The following BANK1 variants were observed in gnomAD, a reference collection of about 807,000 sequenced individuals.
The protein encoded by BANK1 is B-cell scaffold protein with ankyrin repeats.
BANK1 carries 95 observed loss-of-function variants against 94.5 expected under a neutral mutation model. The ratio of observed to expected loss-of-function variants is 1.00; its 90% CI spans 0.85 to 1.19. BANK1 has a LOEUF of 1.19. BANK1 is among the 50% of genes most tolerant of loss of function. The pLI, the probability that BANK1 is intolerant of heterozygous loss-of-function variation, is 0.00. For missense variants in BANK1, 987 were observed against 932.2 expected, an observed-to-expected ratio of 1.06 and a Z score of -0.77; for synonymous variants, 334 against 308.4, an observed-to-expected ratio of 1.08 and a Z score of -0.87.
intron 5 of BANK1, among the ~76,000 whole-genome samples, chr4:101,874,125 C>T (rs1165674439): frequency 6.6e-6 from 1 of 152,162 alleles, no homozygotes; most frequent in African/African-American, 2.4e-5. Flanking sequence ...TTACTTTACA[C>T]ATATTGAAAT....
intron 7 of BANK1, among the ~76,000 whole-genome samples, chr4:101,936,790 C>G (rs190666060): frequency 6.6e-6 from 1 of 151,346 alleles, no homozygotes; most frequent in Admixed American, 6.6e-5. Context: ...TGGCATATAT[C>G]CAAAAGACAG....
chr4:101,960,332 A>G (rs1284237068), intron 7 of BANK1, among the ~76,000 whole-genome samples: 2 of 152,100 alleles, frequency 1.3e-5, no homozygotes, highest in African/African-American at 4.8e-5. Context: ...ACAGTCATAT[A>G]CAAGTTAAAA....
chr4:101,956,469 C>G (rs893701555), intron 7 of BANK1, among the ~76,000 whole-genome samples: 7 of 152,174 alleles, frequency 4.6e-5, no homozygotes, highest in Non-Finnish European at 7.3e-5. Flanking sequence ...AAGATCCTCG[C>G]TCATCCAAAA....
chr4:102,043,243 G>A (rs1263614061), intron 10 of BANK1, among the ~76,000 whole-genome samples: 1 of 151,980 alleles, frequency 6.6e-6, no homozygotes, highest in East Asian at 1.9e-4. Context: ...GCAAAATGGG[G>A]TGAGTAATGC....
chr4:101,943,484 G>C (rs540662114), intron 7 of BANK1, among the ~76,000 whole-genome samples: 2 of 151,852 alleles, frequency 1.3e-5, no homozygotes, highest in Admixed American at 6.6e-5. Context: ...GGGTGGATTG[G>C]TGTGGGGATG....
At chr4:101,841,175 A>G (rs950755367) in intron 2 of BANK1, among the ~76,000 whole-genome samples, 1 of 152,128 alleles carries the variant, frequency 6.6e-6, no homozygotes, top group Non-Finnish European at 1.5e-5. Flanking sequence ...TTCTAATTAT[A>G]AAAATAATAC....
At chr4:101,974,221 T>G (rs1373097873) in intron 7 of BANK1, among the ~76,000 whole-genome samples, 2 of 152,144 alleles carry the variant, frequency 1.3e-5, no homozygotes, top group African/African-American at 4.8e-5. Flanking sequence ...ACAATTGAAC[T>G]GAAACAACTA....
rs116237000 is a variant in BANK1, at chr4:101,926,347, A to G, written c.1206+8158A>G. ...ATATAGATGTGAGAAAGTAAAGATT[A>G]TGATTGACTTATTCTGCCTCTAAAA... On this transcript the variant is annotated intron_variant, in intron 7 of 16. Transcript: ENST00000322953. Among the ~76,000 whole-genome samples, 361 of 151,866 alleles carry G rather than the reference A, an allele frequency of 2.4e-3. 3 individuals carry two copies. The highest frequency in any genetic ancestry group is 8.2e-3 in the African/African-American group (341 of 41,514).
At chr4:101,804,920 A>G (rs371949775) in intron 1 of BANK1, among the ~76,000 whole-genome samples, 8 of 152,290 alleles carry the variant, frequency 5.3e-5, no homozygotes, top group South Asian at 4.1e-4. Context: ...TCAAGCATCA[A>G]TTGTGTAAGA....
intron 1 of BANK1, 89 bp downstream of exon 1, chr4:101,791,039 C>T (rs1341981920): frequency 1.8e-6 from 2 of 1,089,646 alleles, no homozygotes; most frequent in Non-Finnish European, 2.5e-6. Context: ...GACAACTGCA[C>T]TCGGGCACTG....
chr4:101,947,615 A>T (rs951097749), intron 7 of BANK1, among the ~76,000 whole-genome samples: 1 of 151,726 alleles, frequency 6.6e-6, no homozygotes, highest in Non-Finnish European at 1.5e-5. Flanking sequence ...ATTCTTTATG[A>T]TTCATTAATT....
At chr4:101,851,623 A>G (rs539584270) in intron 2 of BANK1, among the ~76,000 whole-genome samples, 4 of 152,304 alleles carry the variant, frequency 2.6e-5, no homozygotes, top group South Asian at 2.1e-4. Flanking sequence ...TGTTGCTCCT[A>G]TGAATATCCT....
At chr4:101,852,195 A>T (rs1727500712) in intron 2 of BANK1, among the ~76,000 whole-genome samples, 5 of 151,878 alleles carry the variant, frequency 3.3e-5, no homozygotes, top group Admixed American at 3.3e-4. Context: ...CATTATCTTA[A>T]AAGCAATCTT....
In BANK1 at chr4:101,854,187, T is replaced by C. The variant is rs540445822; in HGVS notation, c.470-848T>C. Among the ~76,000 whole-genome samples, 70 of 152,276 alleles carry C rather than the reference T, an allele frequency of 4.6e-4. 1 individual carries two copies. In the South Asian group the frequency reaches 0.014, roughly 31 times the overall value. ...GGCTGCTTTTGGGTGGGCATGAGTT[T>C]ATAGATGTGACCTTCTCATTTCAAG... On this transcript the variant is annotated intron_variant, in intron 2 of 16. Transcript: ENST00000322953.
intron 7 of BANK1, among the ~76,000 whole-genome samples, chr4:102,013,185 A>T (rs965261130): frequency 6.6e-6 from 1 of 152,120 alleles, no homozygotes; most frequent in Non-Finnish European, 1.5e-5. Flanking sequence ...TTCTGAATGC[A>T]GCAATTATAG....
intron 1 of BANK1, among the ~76,000 whole-genome samples, chr4:101,809,220 A>G (rs1725661293): frequency 6.6e-6 from 1 of 152,194 alleles, no homozygotes; most frequent in Admixed American, 6.5e-5. Flanking sequence ...GCTGGAGGCC[A>G]TTATTCTAAG....
chr4:101,838,536 T>C (rs1726917245), intron 2 of BANK1, among the ~76,000 whole-genome samples: 1 of 152,226 alleles, frequency 6.6e-6, no homozygotes, highest in African/African-American at 2.4e-5. Context: ...AACAGCATGA[T>C]TCCAAGGCTT....
chr4:101,832,901 T>C (rs971004304), intron 2 of BANK1, among the ~76,000 whole-genome samples: 1 of 149,704 alleles, frequency 6.7e-6, no homozygotes, highest in Non-Finnish European at 1.5e-5. Context: ...CCTTCCTCCC[T>C]TCCTTCCCTC....
chr4:101,829,362 C>A (rs964436678), intron 1 of BANK1, among the ~76,000 whole-genome samples: 9 of 151,636 alleles, frequency 5.9e-5, no homozygotes, highest in African/African-American at 2.2e-4. Context: ...CTGTTTTTGA[C>A]TCTCAACTAA....
Sources: gnomAD v4.1 joint callset for allele counts (sites outside exome capture counted in the v4.1 genomes callset) on GRCh38, gnomAD v4.1.1 for gene constraint, MANE v1.5 for transcripts, NCBI Gene and HGNC (gene_info 2026-07-23, HGNC 2026-07-21) for gene names.